RORA: variants seen among roughly 807,000 people sequenced by gnomAD.
RORA encodes the protein RAR related orphan receptor A, also known as nuclear receptor ROR-alpha.
Under a neutral mutation model 69.5 loss-of-function variants are expected in RORA, and 7 were observed. The ratio of observed to expected loss-of-function variants is 0.10; its 90% CI spans 0.06 to 0.19. The LOEUF is 0.19. Ranked by LOEUF, RORA falls within the 10% of genes least tolerant of loss-of-function variation. The pLI, the probability that RORA is intolerant of heterozygous loss-of-function variation, is 1.00. For synonymous variants in RORA, 261 were observed against 240.8 expected, an observed-to-expected ratio of 1.08 and a Z score of -0.78; for missense variants, 457 against 663.0, an observed-to-expected ratio of 0.69 and a Z score of 3.41.
chr15:61,039,299 T>C (rs969673020), intron 1 of RORA, among the ~76,000 whole-genome samples: 4 of 152,180 alleles, frequency 2.6e-5, no homozygotes, highest in Non-Finnish European at 4.4e-5. Context: ...CAAAATACAG[T>C]TGGGCTCTTG....
intron 1 of RORA, among the ~76,000 whole-genome samples, chr15:61,135,797 G>A (rs1183978383): frequency 6.6e-6 from 1 of 152,158 alleles, no homozygotes; most frequent in Non-Finnish European, 1.5e-5. Flanking sequence ...ATCACTGACA[G>A]CCAAACCACA....
chr15:61,223,730 C>T (rs558389774), intron 1 of RORA, among the ~76,000 whole-genome samples: 27 of 152,146 alleles, frequency 1.8e-4, no homozygotes, highest in East Asian at 3.9e-4. Flanking sequence ...GGGACTAGTA[C>T]GTTTAGAAAA....
intron 1 of RORA, among the ~76,000 whole-genome samples, chr15:60,769,388 A>G (rs2072039490): frequency 6.6e-6 from 1 of 152,134 alleles, no homozygotes; most frequent in African/African-American, 2.4e-5. Flanking sequence ...TGGACTAGTA[A>G]TATCTCGATG....
At chr15:61,089,386 T>C (rs952281693) in intron 1 of RORA, among the ~76,000 whole-genome samples, 2 of 152,244 alleles carry the variant, frequency 1.3e-5, no homozygotes, top group African/African-American at 4.8e-5. Flanking sequence ...AGATGTAGCT[T>C]TGTTCATTGC....
Position 60,491,078 on chromosome 15 carries a change from A to G in RORA, c.*6377T>C, listed in dbSNP as rs2065032973. 6.6e-6 allele frequency: 1 copy of G among 152,184 alleles called. No homozygotes were observed. Among genetic ancestry groups the G allele is most frequent in the Admixed American group, 6.5e-5 (1 of 15,278 alleles). The allele number at this position is 152,184 out of a possible 1,614,324, so 9.4% of individuals were successfully genotyped here. On this transcript the variant is annotated 3_prime_UTR_variant, in exon 11 of 11. Coordinates refer to ENST00000335670, the MANE Select transcript of RORA (RefSeq NM_134261.3). ...TAATATGAGATTTCAAACTGTGTGG[A>G]TAACAGGAGAATTTTGGATTCAGGA...
At chr15:60,968,502 A>C (rs1219518945) in intron 1 of RORA, among the ~76,000 whole-genome samples, 2 of 152,154 alleles carry the variant, frequency 1.3e-5, no homozygotes, top group African/African-American at 4.8e-5. Context: ...CCAGGCTCAC[A>C]CTGGAATCAA....
chr15:61,012,060 G>T (rs982831455), intron 1 of RORA, among the ~76,000 whole-genome samples: 1 of 152,226 alleles, frequency 6.6e-6, no homozygotes, highest in Non-Finnish European at 1.5e-5. Flanking sequence ...GACCAGGAAG[G>T]GGGGTGTTCA....
At chr15:60,642,614 G>C (rs339980) in intron 2 of RORA, among the ~76,000 whole-genome samples, 1 of 152,114 alleles carries the variant, frequency 6.6e-6, no homozygotes, top group Non-Finnish European at 1.5e-5. Context: ...CACACTGCTC[G>C]GCATAGTGGT....
At chr15:60,628,711 G>A (rs892104250) in intron 2 of RORA, among the ~76,000 whole-genome samples, 1 of 152,148 alleles carries the variant, frequency 6.6e-6, no homozygotes, top group Non-Finnish European at 1.5e-5. Context: ...CACATAAATA[G>A]AAGCCTGACT....
intron 1 of RORA, among the ~76,000 whole-genome samples, chr15:60,827,517 T>G (rs1004537037): frequency 2.6e-5 from 4 of 152,232 alleles, no homozygotes; most frequent in Non-Finnish European, 4.4e-5. Context: ...ATAACCATAA[T>G]GTAATTGAAG....
intron 1 of RORA, among the ~76,000 whole-genome samples, chr15:61,152,080 T>C (rs2079402876): frequency 6.6e-6 from 1 of 152,260 alleles, no homozygotes; most frequent in East Asian, 1.9e-4. Flanking sequence ...ATATGCAAAC[T>C]AAAAACAAAA....
intron 1 of RORA, among the ~76,000 whole-genome samples, chr15:60,829,605 G>C (rs1174284334): frequency 6.6e-6 from 1 of 152,164 alleles, no homozygotes; most frequent in Non-Finnish European, 1.5e-5. Context: ...CGCCAGGACA[G>C]CACATGGAAA....
At chr15:61,183,400 T>C (rs35577605) in intron 1 of RORA, among the ~76,000 whole-genome samples, 1 of 152,100 alleles carries the variant, frequency 6.6e-6, no homozygotes, top group East Asian at 1.9e-4. Context: ...CTGGGTGTGG[T>C]GGCAAACACC....
intron 1 of RORA, among the ~76,000 whole-genome samples, chr15:60,889,842 T>A (rs958067606): frequency 6.6e-6 from 1 of 152,180 alleles, no homozygotes; most frequent in Non-Finnish European, 1.5e-5. Flanking sequence ...GAAACCAATA[T>A]ACACTACTAC....
At chr15:61,198,989 C>T (rs924108473) in intron 1 of RORA, among the ~76,000 whole-genome samples, 5 of 152,310 alleles carry the variant, frequency 3.3e-5, no homozygotes, top group Admixed American at 2.0e-4. Context: ...CTCTCACCAC[C>T]TGCTAGCCCA....
At chr15:60,889,946 G>C (rs189813819) in intron 1 of RORA, among the ~76,000 whole-genome samples, 159 of 152,262 alleles carry the variant, frequency 1.0e-3, no homozygotes, top group African/African-American at 3.5e-3. Context: ...AAGAATAAGA[G>C]ATTATTAAAC....
At chr15:60,795,904 G>C (rs1157625357) in intron 1 of RORA, among the ~76,000 whole-genome samples, 1 of 152,196 alleles carries the variant, frequency 6.6e-6, no homozygotes, top group Non-Finnish European at 1.5e-5. Context: ...CTCATGCCTC[G>C]GTTTCTTCAG....
At chr15:60,938,732 C>T (rs1892602319) in intron 1 of RORA, among the ~76,000 whole-genome samples, 1 of 72,098 alleles carries the variant, frequency 1.4e-5, no homozygotes, top group Non-Finnish European at 2.5e-5. Flanking sequence ...GAGACCTCAT[C>T]TAAAAAAAAT....
intron 1 of RORA, among the ~76,000 whole-genome samples, chr15:61,000,554 C>T (rs1894713013): frequency 6.6e-6 from 1 of 152,094 alleles, no homozygotes; most frequent in East Asian, 1.9e-4. Flanking sequence ...CAGCCACTGC[C>T]CTTCAAGTAG....
Sources: allele counts gnomAD v4.1 joint callset (sites outside exome capture counted in the v4.1 genomes callset), GRCh38; gene constraint gnomAD v4.1.1; transcripts MANE v1.5; gene names NCBI Gene and HGNC (gene_info 2026-07-23, HGNC 2026-07-21).